The following ABLIM1 variants were observed in gnomAD, a reference collection of about 807,000 sequenced individuals.
The protein encoded by ABLIM1 is actin-binding LIM protein 1.
In ABLIM1, 40 loss-of-function variants were observed where a neutral mutation model predicts 107.0. That is an observed-to-expected ratio of 0.37 (90% CI 0.29 to 0.49). ABLIM1 has a LOEUF of 0.49. Ranked by LOEUF, ABLIM1 falls within the 20% of genes least tolerant of loss-of-function variation. ABLIM1 has a pLI of 0.97. For missense variants in ABLIM1, 857 were observed against 1,008.5 expected (o/e 0.85, Z 2.04); for synonymous variants, 357 against 357.3 (o/e 1.00, Z 0.01).
intron 1 of ABLIM1, among the ~76,000 whole-genome samples, chr10:114,766,473 G>C (rs1389238625): frequency 6.6e-6 from 1 of 152,058 alleles, no homozygotes; most frequent in Non-Finnish European, 1.5e-5. Context: ...AGAATCTCTG[G>C]GGCCATCTTC....
At chr10:114,759,250 T>A (rs1296657783) in intron 1 of ABLIM1, among the ~76,000 whole-genome samples, 1 of 152,216 alleles carries the variant, frequency 6.6e-6, no homozygotes, top group South Asian at 2.1e-4. Context: ...ATTAAAATCA[T>A]ACAATATGCT....
chr10:114,490,347 A>C (rs2058749801), intron 7 of ABLIM1, among the ~76,000 whole-genome samples: 1 of 152,198 alleles, frequency 6.6e-6, no homozygotes, highest in Non-Finnish European at 1.5e-5. Context: ...TCAATTTCTC[A>C]TGTAGCTAGC....
chr10:114,559,296 G>C (rs980919179), intron 4 of ABLIM1, among the ~76,000 whole-genome samples: 1 of 151,932 alleles, frequency 6.6e-6, no homozygotes, highest in Non-Finnish European at 1.5e-5. Flanking sequence ...ATGGTCACAT[G>C]GCAACCTTGA....
Position 114,434,160 on chromosome 10 carries a change from C to G in ABLIM1, c.*2100G>C, listed in dbSNP as rs1468838119. ...GAAAAAGCATGGAATAAGCAAGAAGCCACTGAGACACCAAAGGCTAAACTG... is the reference window on the plus strand; with the variant it reads ...GAAAAAGCATGGAATAAGCAAGAAGGCACTGAGACACCAAAGGCTAAACTG... On this transcript the variant is annotated 3_prime_UTR_variant, in exon 23 of 23. Coordinates refer to ENST00000533213, the MANE Select transcript of ABLIM1 (RefSeq NM_002313.7). 1 of 152,206 alleles carries G rather than the reference C, an allele frequency of 6.6e-6. No homozygotes were observed. The highest frequency in any genetic ancestry group is 1.5e-5 in the Non-Finnish European group (1 of 68,078). 9.4% of individuals were successfully genotyped at this position (152,206 alleles called of 1,614,324 possible).
At chr10:114,544,162 A>G (rs910022936) in intron 6 of ABLIM1, among the ~76,000 whole-genome samples, 4 of 152,182 alleles carry the variant, frequency 2.6e-5, no homozygotes. Context: ...CTGGTCCTTG[A>G]CAAAGCAAGA....
chr10:114,527,689 T>G (rs1373754850), intron 6 of ABLIM1, among the ~76,000 whole-genome samples: 1 of 148,450 alleles, frequency 6.7e-6, no homozygotes, highest in Non-Finnish European at 1.5e-5. Context: ...AGATGGGATC[T>G]CTGTCACCCA....
intron 1 of ABLIM1, among the ~76,000 whole-genome samples, chr10:114,749,451 C>A (rs1384909539): frequency 4.6e-4 from 6 of 12,968 alleles, no homozygotes; most frequent in African/African-American, 1.8e-3. Context: ...ACACACACAC[C>A]ACACACACAC....
At chr10:114,793,153 A>G in the ABLIM1 span, among the ~76,000 whole-genome samples, 3 of 152,136 alleles carry the variant, frequency 2.0e-5, no homozygotes, top group African/African-American at 7.2e-5. Context: ...CACCATCTCA[A>G]AAAAAATAAA....
At chr10:114,583,830 A>T (rs1458822380) in intron 2 of ABLIM1, among the ~76,000 whole-genome samples, 1 of 152,124 alleles carries the variant, frequency 6.6e-6, no homozygotes, top group East Asian at 1.9e-4. Context: ...ACATGGATGT[A>T]GCTGGAGTCC....
chr10:114,585,009 T>G (rs932062577), intron 2 of ABLIM1, among the ~76,000 whole-genome samples: 2 of 152,162 alleles, frequency 1.3e-5, no homozygotes, highest in African/African-American at 4.8e-5. Flanking sequence ...CACTCAGTTT[T>G]TTTTTTGCTT....
Position 114,516,340 on chromosome 10 carries a change from G to A in ABLIM1, c.895-24462C>T, listed in dbSNP as rs181551704. 3.8e-4 allele frequency among the ~76,000 whole-genome samples: 58 copies of A among 152,238 alleles called. 1 individual carries two copies. The highest frequency in any genetic ancestry group is 1.2e-3 in the African/African-American group (49 of 41,544). On this transcript the variant is annotated intron_variant, in intron 6 of 22. Transcript: ENST00000533213. ...GGAGTTTAAGACAAGCCTGGTCAAC[G>A]TGGCAAAACCCTGTCTCTACTAAAA...
upstream of ABLIM1, among the ~76,000 whole-genome samples, chr10:114,658,838 C>T (rs186531462): frequency 3.3e-5 from 5 of 152,110 alleles, no homozygotes; most frequent in African/African-American, 9.7e-5. Context: ...TGTTTACTGT[C>T]GTAATGTTTC....
rs989225039 is a variant in ABLIM1, at chr10:114,549,549, A to T, written c.674-1773T>A. Among the ~76,000 whole-genome samples, 16 of 151,860 alleles carry T rather than the reference A, an allele frequency of 1.1e-4. 1 individual carries two copies. The highest frequency in any genetic ancestry group is 1.9e-4 in the Non-Finnish European group (13 of 67,998). On this transcript the variant is annotated intron_variant, in intron 4 of 22. Transcript: ENST00000533213. The stretch of plus-strand genomic sequence containing the variant: ...TTTCTTTTTTTTTAATGACAGGTGT[A>T]TTTCTGGCGATCTTGGACAGTGGGT...
At chr10:114,543,388 AT>A (rs1250562545) in intron 6 of ABLIM1, among the ~76,000 whole-genome samples, 1 of 152,156 alleles carries the variant, frequency 6.6e-6, no homozygotes, top group African/African-American at 2.4e-5. Context: ...TATTCTAGAT[AT>A]TTTATATAAA....
chr10:114,456,664 T>A (rs2133092986), intron 12 of ABLIM1, among the ~76,000 whole-genome samples: 1 of 152,346 alleles, frequency 6.6e-6, no homozygotes, highest in Non-Finnish European at 1.5e-5. Flanking sequence ...CACAAAAATA[T>A]CTGCATATGC....
At chr10:114,489,536 C>G (rs1029781830) in intron 7 of ABLIM1, among the ~76,000 whole-genome samples, 1 of 152,112 alleles carries the variant, frequency 6.6e-6, no homozygotes, top group African/African-American at 2.4e-5. Flanking sequence ...AAAATTCAAA[C>G]AAAAAGCAGA....
intron 4 of ABLIM1, among the ~76,000 whole-genome samples, chr10:114,558,665 A>G (rs1222033155): frequency 2.0e-5 from 3 of 152,220 alleles, no homozygotes; most frequent in African/African-American, 7.2e-5. Context: ...GTTGAAAACT[A>G]GCTAGGAGCT....
At chr10:114,640,478 G>A in intron 1 of ABLIM1, among the ~76,000 whole-genome samples, 1 of 152,136 alleles carries the variant, frequency 6.6e-6, no homozygotes, top group Non-Finnish European at 1.5e-5. Context: ...AGTGAGCCGA[G>A]ATCGCGCCAC....
chr10:114,647,573 G>GGA (rs1438867753), intron 1 of ABLIM1, among the ~76,000 whole-genome samples: 4 of 152,184 alleles, frequency 2.6e-5, no homozygotes, highest in African/African-American at 7.2e-5. Context: ...GGACAGAAAG[G>GGA]GAGCTGGCTG....
Sources: gnomAD v4.1 joint callset for allele counts (sites outside exome capture counted in the v4.1 genomes callset) on GRCh38, gnomAD v4.1.1 for gene constraint, MANE v1.5 for transcripts, NCBI Gene and HGNC (gene_info 2026-07-23, HGNC 2026-07-21) for gene names.